The following PDE9A variants were observed in gnomAD, a reference collection of about 807,000 sequenced individuals.
The protein encoded by PDE9A is high affinity cGMP-specific 3',5'-cyclic phosphodiesterase 9A.
PDE9A carries 60 observed loss-of-function variants against 87.4 expected under a neutral mutation model. The ratio of observed to expected loss-of-function variants is 0.69; its 90% CI spans 0.56 to 0.85. The LOEUF is 0.85. Among genes scored for constraint, PDE9A ranks in the 40% least tolerant of loss-of-function variants. PDE9A has a pLI of 0.00. For missense variants in PDE9A, 665 were observed against 779.0 expected (o/e 0.85, Z 1.74); for synonymous variants, 272 against 279.4 (o/e 0.97, Z 0.27).
At chr21:42,738,687 G>C (rs1315804539) in intron 7 of PDE9A, among the ~76,000 whole-genome samples, 1 of 152,106 alleles carries the variant, frequency 6.6e-6, no homozygotes, top group Non-Finnish European at 1.5e-5. Flanking sequence ...GCCCTTTTTT[G>C]TTGCTGTTTT....
rs1215084099 is a variant in PDE9A, at chr21:42,768,195, T to A, written c.1364T>A (p.Met455Lys). Reference protein sequence around the residue: ...SNEEHMTLLKMILIKCCDISN... With the variant: ...SNEEHMTLLKKILIKCCDISN... ...CAAAATCTCTTCTTTCAGCTGAAGA[T>A]GATTTTGATAAAATGCTGTGATATC... The change falls in exon 16 of 20, where the codon ATG becomes AAG. Residue 455 changes from methionine to lysine, a missense_variant. Physicochemically the swap from Met to Lys is moderately conservative, Grantham distance 95 (BLOSUM62 -1). Transcript: ENST00000291539. The A allele has an allele frequency of 6.3e-7, 1 of 1,598,886 alleles. No individual in the cohort carries two copies. The highest frequency in any genetic ancestry group is 8.6e-7 in the Non-Finnish European group (1 of 1,166,096).
At chr21:42,769,828 C>T (rs377645262) in intron 17 of PDE9A, among the ~76,000 whole-genome samples, 8 of 152,134 alleles carry the variant, frequency 5.3e-5, no homozygotes, top group Non-Finnish European at 8.8e-5. Flanking sequence ...GCCTCTTCCC[C>T]GGCTGTCGTG....
rs1178365240 is a variant in PDE9A at position 42,726,611 on chromosome 21, TATATATATA to T, written c.263-5158_263-5150del. Reference sequence around the variant, plus strand: ...GCCTGGCCATATATATATATATATATATATATATATATATTTTTTTTTTTTTTTTTGTAG... The same window carrying T: ...GCCTGGCCATATATATATATATATATTATATTTTTTTTTTTTTTTTTGTAG... On this transcript the variant is annotated intron_variant, in intron 4 of 19. Transcript: ENST00000291539. 5.9e-4 allele frequency among the ~76,000 whole-genome samples: 16 copies of T among 27,290 alleles called. 2 individuals carry two copies. The highest frequency in any genetic ancestry group is 2.3e-3 in the African/African-American group (9 of 3,846). 17.9% of individuals were successfully genotyped at this position (27,290 alleles called of 152,430 possible).
rs62215384 is a variant in PDE9A, at chr21:42,675,924, G to A, written c.70-10268G>A. Among the ~76,000 whole-genome samples, 11,363 of 152,260 alleles carry A rather than the reference G, an allele frequency of 0.075. 667 individuals carry two copies. Among genetic ancestry groups the A allele is most frequent in the East Asian group, 0.33 (1,695 of 5,170 alleles). The stretch of plus-strand genomic sequence containing the variant: ...AGTGGGGCCTGGTGGGAGGTGACTG[G>A]ATCGTGGGGTGGGTTTCTCACAAAT... On this transcript the variant is annotated intron_variant, in intron 1 of 19. Coordinates refer to ENST00000291539, the MANE Select transcript of PDE9A (RefSeq NM_002606.3). This position sits in a 1 kb window ranked among gnomAD's most constrained non-coding sequence, Gnocchi z 4.3.
chr21:42,731,983 C>G (rs1192148787), intron 5 of PDE9A, 34 bp downstream of exon 5: 10 of 1,611,890 alleles, frequency 6.2e-6, no homozygotes, highest in Non-Finnish European at 8.5e-6. Flanking sequence ...AGCCTCCACC[C>G]CCCAACACGT....
chr21:42,764,983 G>GTGGATGGA (rs780841485), intron 14 of PDE9A, among the ~76,000 whole-genome samples: 11,353 of 118,318 alleles, frequency 0.096, 580 homozygotes, highest in Admixed American at 0.16. Flanking sequence ...GGGTGGGTGG[G>GTGGATGGA]TGGATGGATG....
intron 4 of PDE9A, among the ~76,000 whole-genome samples, chr21:42,707,574 C>A (rs909702754): frequency 1.3e-5 from 2 of 152,094 alleles, no homozygotes; most frequent in African/African-American, 4.8e-5. Context: ...TGCCTCAATC[C>A]CCCACTCCCT....
chr21:42,727,526 ATCTC>A (rs2051272350), intron 4 of PDE9A, among the ~76,000 whole-genome samples: 1 of 105,258 alleles, frequency 9.5e-6, no homozygotes, highest in African/African-American at 4.0e-5. Context: ...AGAGATGGAG[ATCTC>A]TCTTTGTTCC....
intron 1 of PDE9A, among the ~76,000 whole-genome samples, chr21:42,661,648 G>C (rs1029066128): frequency 6.6e-6 from 1 of 152,188 alleles, no homozygotes; most frequent in African/African-American, 2.4e-5. Flanking sequence ...ATGAATCGAT[G>C]AAACTGCCTG....
intron 4 of PDE9A, among the ~76,000 whole-genome samples, chr21:42,728,869 C>T (rs4599221): frequency 0.31 from 46,770 of 151,650 alleles, 7,537 homozygotes; most frequent in East Asian, 0.54. Context: ...GGCTTAGTGG[C>T]GGGCACCTAT....
At chr21:42,690,296 G>A (rs755328076) in intron 3 of PDE9A, among the ~76,000 whole-genome samples, 85 of 152,182 alleles carry the variant, frequency 5.6e-4, no homozygotes, top group Non-Finnish European at 1.0e-3. Context: ...GAAGTTAGAC[G>A]CGGATGAGGA....
intron 4 of PDE9A, among the ~76,000 whole-genome samples, chr21:42,711,604 G>T (rs1334947154): frequency 1.3e-5 from 2 of 151,916 alleles, no homozygotes; most frequent in African/African-American, 4.8e-5. Flanking sequence ...TTATCCCAAG[G>T]TCATGGAGAT....
At chr21:42,737,127 A>C (rs1460891462) in intron 7 of PDE9A, among the ~76,000 whole-genome samples, 1 of 152,182 alleles carries the variant, frequency 6.6e-6, no homozygotes, top group Non-Finnish European at 1.5e-5. Context: ...GTCAGTCCCA[A>C]CCCTGCACGG....
intron 1 of PDE9A, among the ~76,000 whole-genome samples, chr21:42,658,635 T>TC (rs1261939250): frequency 1.3e-5 from 2 of 152,140 alleles, no homozygotes; most frequent in African/African-American, 2.4e-5. Flanking sequence ...CAGGGCTGCG[T>TC]CCCCCGGCCA....
chr21:42,710,463 G>T (rs1027884266), intron 4 of PDE9A, among the ~76,000 whole-genome samples: 22 of 151,694 alleles, frequency 1.5e-4, no homozygotes, highest in African/African-American at 5.3e-4. Flanking sequence ...TCTACCAAGA[G>T]GTTGTACCAT....
At position 42,660,002 on chromosome 21, in the gene PDE9A, C is replaced by T. The variant is rs759817845; in HGVS notation, c.69+6119C>T. On this transcript the variant is annotated intron_variant, in intron 1 of 19. Coordinates refer to ENST00000291539, the MANE Select transcript of PDE9A (RefSeq NM_002606.3). This position sits in a 1 kb window ranked among gnomAD's most constrained non-coding sequence, Gnocchi z 4.7. ...AACTGGGACACCTCGGGGCATAAGCCGGGCAGGGAGGCGGCAGGAACTGGG... is the reference window on the plus strand; with the variant it reads ...AACTGGGACACCTCGGGGCATAAGCTGGGCAGGGAGGCGGCAGGAACTGGG... Among the ~76,000 whole-genome samples, 3 of 152,298 alleles carry T rather than the reference C, an allele frequency of 2.0e-5. No homozygotes were observed. Among genetic ancestry groups the T allele is most frequent in the Middle Eastern group, 3.4e-3 (1 of 294 alleles).
At chr21:42,712,624 A>G (rs1355397039) in intron 4 of PDE9A, among the ~76,000 whole-genome samples, 1 of 152,242 alleles carries the variant, frequency 6.6e-6, no homozygotes, top group African/African-American at 2.4e-5. Context: ...GTCTCTCACC[A>G]TTACATACGA....
chr21:42,756,130 C>T (rs1043093228), intron 10 of PDE9A, among the ~76,000 whole-genome samples: 7 of 152,240 alleles, frequency 4.6e-5, no homozygotes, highest in African/African-American at 1.2e-4. Flanking sequence ...GCATCTCCCA[C>T]GGCCCGTGGC....
Position 42,760,414 on chromosome 21 carries a change from C to A in PDE9A, c.984C>A (p.Val328=). The A allele has an allele frequency of 6.2e-7, 1 of 1,604,248 alleles. No homozygotes were observed. The highest frequency in any genetic ancestry group is 1.1e-5 in the South Asian group (1 of 91,016). ...FCVAQMMYSM[V]WLCSLQEKFS... ...TGGCCCAGATGATGTACAGCATGGT[C>A]TGGCTCTGCAGTCTCCAGGTGGGTC... Residue 328 remains valine, a synonymous_variant, in exon 12 of 20, where the codon GTC becomes GTA. Transcript: ENST00000291539. This position sits in a 1 kb window ranked among gnomAD's most constrained non-coding sequence, Gnocchi z 5.2.
Sources: allele counts gnomAD v4.1 joint callset (sites outside exome capture counted in the v4.1 genomes callset), GRCh38; gene constraint gnomAD v4.1.1; non-coding constraint Gnocchi (gnomAD v3.1); transcripts MANE v1.5; gene names NCBI Gene and HGNC (gene_info 2026-07-23, HGNC 2026-07-21).